The following LRRC4C variants were observed in gnomAD, a reference collection of about 807,000 sequenced individuals.
LRRC4C encodes the protein leucine rich repeat containing 4C, also known as leucine-rich repeat-containing protein 4C.
LRRC4C carries 5 observed loss-of-function variants against 33.6 expected under a neutral mutation model. The ratio of observed to expected loss-of-function variants is 0.15; its 90% CI spans 0.08 to 0.31. The LOEUF is 0.31. LRRC4C is among the 10% of genes least tolerant of loss of function. The probability of loss-of-function intolerance (pLI) is 1.00; values close to 1 mark genes in which losing one functional copy is unlikely to be tolerated. For missense variants in LRRC4C, 560 were observed against 796.7 expected (o/e 0.70, Z 3.58); for synonymous variants, 329 against 302.0 (o/e 1.09, Z -0.93).
chr11:41,182,537 T>C (rs1182100510), intron 1 of LRRC4C, among the ~76,000 whole-genome samples: 2 of 152,192 alleles, frequency 1.3e-5, no homozygotes, highest in Non-Finnish European at 2.9e-5. Flanking sequence ...AGTTTCCTTA[T>C]TGTTATATTA....
At chr11:41,217,161 G>T (rs569144554) in intron 1 of LRRC4C, among the ~76,000 whole-genome samples, 1 of 152,244 alleles carries the variant, frequency 6.6e-6, no homozygotes, top group East Asian at 1.9e-4. Context: ...ATAATGAATG[G>T]ACTATAACAA....
chr11:41,366,230 ATAGATAGATAGATAGG>A (rs1234884595), intron 1 of LRRC4C, among the ~76,000 whole-genome samples: 37 of 142,828 alleles, frequency 2.6e-4, no homozygotes, highest in African/African-American at 1.1e-3. Context: ...AGATAGATAG[ATAGATAGATAGATAGG>A]TAGATATCCT....
At chr11:40,544,906 C>T (rs1956856440) in intron 3 of LRRC4C, among the ~76,000 whole-genome samples, 1 of 151,964 alleles carries the variant, frequency 6.6e-6, no homozygotes, top group Admixed American at 6.6e-5. Flanking sequence ...AATTCACTGT[C>T]TAATCTCATC....
chr11:40,799,474 C>T (rs1354876017), intron 2 of LRRC4C, among the ~76,000 whole-genome samples: 1 of 152,062 alleles, frequency 6.6e-6, no homozygotes, highest in African/African-American at 2.4e-5. Context: ...GATTTGAATC[C>T]TAATACAGTC....
intron 3 of LRRC4C, among the ~76,000 whole-genome samples, chr11:40,625,217 C>T (rs1196033177): frequency 6.6e-6 from 1 of 152,150 alleles, no homozygotes; most frequent in Non-Finnish European, 1.5e-5. Flanking sequence ...ATACTCTATT[C>T]AGTTCTAATT....
intron 1 of LRRC4C, among the ~76,000 whole-genome samples, chr11:41,293,561 CAT>C (rs1950050065): frequency 6.6e-6 from 1 of 151,714 alleles, no homozygotes; most frequent in African/African-American, 2.4e-5. Context: ...CTTCACTAAT[CAT>C]GTTATTTTAT....
chr11:41,367,102 G>A (rs1466412700), intron 1 of LRRC4C, among the ~76,000 whole-genome samples: 1 of 152,156 alleles, frequency 6.6e-6, no homozygotes, highest in East Asian at 1.9e-4. Flanking sequence ...CAAAGACACA[G>A]GGAAGGTGCC....
chr11:41,173,060 G>C (rs1400360759), intron 1 of LRRC4C, among the ~76,000 whole-genome samples: 2 of 152,120 alleles, frequency 1.3e-5, no homozygotes, highest in Non-Finnish European at 2.9e-5. Flanking sequence ...TGATAGGTCT[G>C]AAATACAGGT....
At chr11:40,291,202 C>T (rs1944170500) in intron 4 of LRRC4C, among the ~76,000 whole-genome samples, 1 of 152,116 alleles carries the variant, frequency 6.6e-6, no homozygotes, top group African/African-American at 2.4e-5. Flanking sequence ...AGGCCAGCTC[C>T]ATGACTTTGG....
At position 41,283,477 on chromosome 11, in the gene LRRC4C, G is replaced by T. The variant is rs548725558; in HGVS notation, c.-496+175954C>A. The stretch of plus-strand genomic sequence containing the variant: ...TTTTTGAAAGGGCCCCTGATGTTAA[G>T]AATAGTATTTTCACTTTTGAGTGGT... On this transcript the variant is annotated intron_variant, in intron 1 of 6. Transcript: ENST00000528697. 3.3e-5 allele frequency among the ~76,000 whole-genome samples: 5 copies of T among 152,198 alleles called. No homozygotes were observed. The East Asian group carries it at 9.6e-4, about 29-fold the overall frequency.
Position 40,887,017 on chromosome 11 carries a change from CAT to C in LRRC4C, c.-407+46616_-407+46617del, listed in dbSNP as rs1340050433. Reference sequence around the variant, plus strand: ...ATCTACACACACACACACACACACACATACGAGAAAATATATATATACATATA... The same window carrying C: ...ATCTACACACACACACACACACACACACGAGAAAATATATATATACATATA... On this transcript the variant is annotated intron_variant, in intron 2 of 6. Transcript: ENST00000528697. Among the ~76,000 whole-genome samples, 166 of 149,912 alleles carry C rather than the reference CAT, an allele frequency of 1.1e-3. 1 individual carries two copies. Among genetic ancestry groups the C allele is most frequent in the African/African-American group, 3.8e-3 (156 of 40,670 alleles).
intron 1 of LRRC4C, among the ~76,000 whole-genome samples, chr11:41,360,454 A>T (rs990260227): frequency 6.6e-6 from 1 of 152,064 alleles, no homozygotes; most frequent in Non-Finnish European, 1.5e-5. Flanking sequence ...TGAAGGAAAC[A>T]TATCAATATT....
At position 40,433,420 on chromosome 11, in the gene LRRC4C, A is replaced by ATG. The variant is rs1402317351; in HGVS notation, c.-269-113700_-269-113699insCA. Among the ~76,000 whole-genome samples the ATG allele has an allele frequency of 1.1e-4, 16 of 152,188 alleles. No homozygotes were observed. The East Asian group carries it at 3.1e-3, about 29-fold the overall frequency. ...GATATAATATATGGGATGAGGTGGG[A>ATG]AGATTGTTTGGAAGGAGAATGGAAG... On this transcript the variant is annotated intron_variant, in intron 3 of 6. Coordinates refer to ENST00000528697, the MANE Select transcript of LRRC4C (RefSeq NM_001258419.2).
At chr11:40,202,755 G>A (rs2135742282) in intron 5 of LRRC4C, among the ~76,000 whole-genome samples, 1 of 152,200 alleles carries the variant, frequency 6.6e-6, no homozygotes, top group South Asian at 2.1e-4. Flanking sequence ...AATAAGGGAA[G>A]GGGCAAAGCT....
At chr11:40,808,613 A>G (rs140449199) in intron 2 of LRRC4C, among the ~76,000 whole-genome samples, 13 of 152,218 alleles carry the variant, frequency 8.5e-5, no homozygotes, top group African/African-American at 3.1e-4. Flanking sequence ...GGAAAAATTC[A>G]TGGAACTGCC....
At chr11:40,187,186 C>G (rs1327764987) in intron 5 of LRRC4C, among the ~76,000 whole-genome samples, 1 of 152,218 alleles carries the variant, frequency 6.6e-6, no homozygotes, top group Non-Finnish European at 1.5e-5. Flanking sequence ...CCTGACTTCT[C>G]TCTTTGCTTT....
chr11:40,515,466 C>T (rs1955524481), intron 3 of LRRC4C, among the ~76,000 whole-genome samples: 1 of 151,980 alleles, frequency 6.6e-6, no homozygotes, highest in Non-Finnish European at 1.5e-5. Context: ...AACTTTTTAG[C>T]TCAGATTTTA....
intron 3 of LRRC4C, among the ~76,000 whole-genome samples, chr11:40,327,957 TA>T (rs1366652427): frequency 6.6e-6 from 1 of 152,130 alleles, no homozygotes; most frequent in Non-Finnish European, 1.5e-5. Context: ...GAGATTTTTT[TA>T]AAGAAAGGAA....
intron 1 of LRRC4C, among the ~76,000 whole-genome samples, chr11:41,288,204 T>G (rs1342775076): frequency 6.6e-6 from 1 of 152,212 alleles, no homozygotes; most frequent in African/African-American, 2.4e-5. Flanking sequence ...GAAAACATTT[T>G]GCTTTCAAGA....
Sources: allele counts gnomAD v4.1 joint callset (sites outside exome capture counted in the v4.1 genomes callset), GRCh38; gene constraint gnomAD v4.1.1; transcripts MANE v1.5; gene names NCBI Gene and HGNC (gene_info 2026-07-23, HGNC 2026-07-21).